The following AUTS2 variants were observed in gnomAD, a reference collection of about 807,000 sequenced individuals.
AUTS2 encodes activator of transcription and developmental regulator AUTS2, also known as autism susceptibility gene 2 protein.
A neutral mutation model predicts 112.4 loss-of-function variants in AUTS2; 17 were observed. That is an observed-to-expected ratio of 0.15 (90% CI 0.10 to 0.23). The LOEUF is 0.23. AUTS2 is among the 10% of genes least tolerant of loss of function. AUTS2 has a pLI of 1.00. For synonymous variants in AUTS2, 751 were observed against 702.7 expected (o/e 1.07, Z -1.09); for missense variants, 1,510 against 1,701.6 (o/e 0.89, Z 1.98).
intron 5 of AUTS2, among the ~76,000 whole-genome samples, chr7:70,448,471 G>A (rs978363438): frequency 1.3e-5 from 2 of 152,138 alleles, no homozygotes; most frequent in Non-Finnish European, 2.9e-5. Flanking sequence ...GGGCTCACAA[G>A]CACACACATT....
At chr7:70,690,306 T>G (rs1056958424) in intron 5 of AUTS2, among the ~76,000 whole-genome samples, 3 of 152,226 alleles carry the variant, frequency 2.0e-5, no homozygotes, top group African/African-American at 7.2e-5. Context: ...TTCCATAGTT[T>G]CAGAAATAAA....
At chr7:70,472,267 G>C (rs1027529494) in intron 5 of AUTS2, among the ~76,000 whole-genome samples, 1 of 152,118 alleles carries the variant, frequency 6.6e-6, no homozygotes, top group African/African-American at 2.4e-5. Flanking sequence ...ATTTATATGA[G>C]AGAACCCCAA....
chr7:70,267,436 A>G (rs1332036163), intron 4 of AUTS2, among the ~76,000 whole-genome samples: 1 of 152,158 alleles, frequency 6.6e-6, no homozygotes, highest in Admixed American at 6.5e-5. Context: ...TCTACCCAGG[A>G]CAAGGAGATT....
At chr7:69,832,399 C>G (rs1280152318) in intron 1 of AUTS2, among the ~76,000 whole-genome samples, 2 of 152,156 alleles carry the variant, frequency 1.3e-5, no homozygotes, top group African/African-American at 2.4e-5. Context: ...TGCAGTTGCT[C>G]TATACATGAC....
chr7:70,517,093 G>A (rs556612992), intron 5 of AUTS2, among the ~76,000 whole-genome samples: 1 of 152,256 alleles, frequency 6.6e-6, no homozygotes, highest in African/African-American at 2.4e-5. Flanking sequence ...CCAAATCCCA[G>A]GACTTATGCA....
intron 4 of AUTS2, among the ~76,000 whole-genome samples, chr7:70,298,216 G>C (rs187214186): frequency 6.6e-6 from 1 of 152,092 alleles, no homozygotes; most frequent in East Asian, 1.9e-4. Context: ...ATTTTTAGTA[G>C]AGATGGGGTT....
chr7:70,608,594 A>C (rs1329599558), intron 5 of AUTS2, among the ~76,000 whole-genome samples: 1 of 152,196 alleles, frequency 6.6e-6, no homozygotes, highest in Middle Eastern at 3.2e-3. Context: ...TAGTAAGAAA[A>C]TTAAAGGTAT....
chr7:70,093,964 C>G (rs1804057693), intron 2 of AUTS2, among the ~76,000 whole-genome samples: 1 of 152,204 alleles, frequency 6.6e-6, no homozygotes, highest in Non-Finnish European at 1.5e-5. Flanking sequence ...CCAGATAAAG[C>G]AAATTGGAGA....
chr7:70,227,353 G>A (rs1239289366), intron 4 of AUTS2, among the ~76,000 whole-genome samples: 1 of 148,658 alleles, frequency 6.7e-6, no homozygotes, highest in Non-Finnish European at 1.5e-5. Context: ...TTTTAAAAAC[G>A]TTTCTTAAAA....
chr7:70,241,362 CTATGCCT>C (rs1020044962), intron 4 of AUTS2, among the ~76,000 whole-genome samples: 2 of 152,148 alleles, frequency 1.3e-5, no homozygotes, highest in African/African-American at 4.8e-5. Flanking sequence ...AAAACTCACT[CTATGCCT>C]TATCTAAGAG....
At chr7:69,623,381 ATTTTTTTTT>A (rs56204810) in intron 1 of AUTS2, among the ~76,000 whole-genome samples, 23 of 71,944 alleles carry the variant, frequency 3.2e-4, no homozygotes, top group Admixed American at 6.2e-4. Flanking sequence ...ACGCCCAGCA[ATTTTTTTTT>A]TTTTTTTTTT....
intron 5 of AUTS2, chr7:70,596,598 C>G (rs1039441373): frequency 1.3e-5 from 2 of 152,258 alleles, no homozygotes; most frequent in Non-Finnish European, 2.9e-5. Context: ...ATGCGGAGAC[C>G]GCTTCGGGTG....
intron 5 of AUTS2, among the ~76,000 whole-genome samples, chr7:70,592,372 TA>T (rs1451970659): frequency 6.6e-6 from 1 of 152,134 alleles, no homozygotes; most frequent in Non-Finnish European, 1.5e-5. Context: ...TTATTTATTT[TA>T]TTTTTTTTTG....
At position 69,909,576 on chromosome 7, in the gene AUTS2, G is replaced by A. The variant is rs557800696; in HGVS notation, c.522+10078G>A. On this transcript the variant is annotated intron_variant, in intron 2 of 18. Transcript: ENST00000342771. The stretch of plus-strand genomic sequence containing the variant: ...ATCTGAAAATATTGCCCATATCAGT[G>A]GAGACTAAAGGCCATTTGTTATTTT... Among the ~76,000 whole-genome samples, 3 of 152,222 alleles carry A rather than the reference G, an allele frequency of 2.0e-5. No individual in the cohort carries two copies. The South Asian group carries it at 6.2e-4, about 32-fold the overall frequency.
chr7:70,370,867 C>T (rs1429227979), intron 4 of AUTS2, among the ~76,000 whole-genome samples: 1 of 151,442 alleles, frequency 6.6e-6, no homozygotes, highest in African/African-American at 2.4e-5. Flanking sequence ...AGCCATTATT[C>T]TAGTGGGTGT....
At chr7:70,153,306 A>G (rs1807547169) in intron 4 of AUTS2, among the ~76,000 whole-genome samples, 1 of 152,222 alleles carries the variant, frequency 6.6e-6, no homozygotes, top group African/African-American at 2.4e-5. Context: ...TGAGTAAAAA[A>G]AGAAGCCACA....
At chr7:70,390,364 C>T (rs1793798071) in intron 4 of AUTS2, among the ~76,000 whole-genome samples, 1 of 152,074 alleles carries the variant, frequency 6.6e-6, no homozygotes, top group Non-Finnish European at 1.5e-5. Flanking sequence ...GCTGCCTGTA[C>T]AAGGACAACA....
chr7:69,722,836 A>G (rs760799900), intron 1 of AUTS2, among the ~76,000 whole-genome samples: 5 of 150,898 alleles, frequency 3.3e-5, no homozygotes, highest in Non-Finnish European at 7.4e-5. Context: ...ATAGAAGTAG[A>G]TCTGGAATTG....
chr7:69,832,166 G>A (rs755255803), intron 1 of AUTS2, among the ~76,000 whole-genome samples: 21 of 152,268 alleles, frequency 1.4e-4, no homozygotes, highest in Non-Finnish European at 2.6e-4. Context: ...AATGTTTTGA[G>A]GTTGTGTGAT....
Sources: allele counts gnomAD v4.1 joint callset (sites outside exome capture counted in the v4.1 genomes callset), GRCh38; gene constraint gnomAD v4.1.1; transcripts MANE v1.5; gene names NCBI Gene and HGNC (gene_info 2026-07-23, HGNC 2026-07-21).